Variants in SSH2 observed in about 807,000 individuals in gnomAD.
The protein encoded by SSH2 is slingshot protein phosphatase 2, also known as protein phosphatase Slingshot homolog 2.
Under a neutral mutation model 135.2 loss-of-function variants are expected in SSH2, and 37 were observed. That is an observed-to-expected ratio of 0.27 (90% confidence interval 0.21 to 0.36). The LOEUF (loss-of-function observed/expected upper bound fraction) is 0.36. Among genes scored for constraint, SSH2 ranks in the 10% least tolerant of loss-of-function variants. The pLI, the probability that SSH2 is intolerant of heterozygous loss-of-function variation, is 1.00. For missense variants in SSH2, 1,408 were observed against 1,765.3 expected, an observed-to-expected ratio of 0.80 and a Z score of 3.63; for synonymous variants, 628 against 646.2, an observed-to-expected ratio of 0.97 and a Z score of 0.43.
intron 12 of SSH2, among the ~76,000 whole-genome samples, chr17:29,652,345 GT>G (rs2036611468): frequency 6.6e-6 from 1 of 152,136 alleles, no homozygotes. Context: ...CTCTTTGTTA[GT>G]TGATGAACAT....
intron 6 of SSH2, among the ~76,000 whole-genome samples, chr17:29,681,983 CT>C (rs1374062834): frequency 6.6e-6 from 1 of 152,154 alleles, no homozygotes; most frequent in Non-Finnish European, 1.5e-5. Context: ...TAGTTTCTAG[CT>C]TTTCATGTTT....
At chr17:29,877,783 T>C (rs1348253621) in intron 1 of SSH2, among the ~76,000 whole-genome samples, 2 of 140,572 alleles carry the variant, frequency 1.4e-5, no homozygotes, top group African/African-American at 2.6e-5. Context: ...AAAAAAAAAA[T>C]AGAATGAATA....
intron 11 of SSH2, among the ~76,000 whole-genome samples, chr17:29,664,939 T>C (rs2037211007): frequency 6.6e-6 from 1 of 152,212 alleles, no homozygotes; most frequent in African/African-American, 2.4e-5. Context: ...AGTCAGAATC[T>C]GACTGTATTT....
chr17:29,684,422 A>G, intron 6 of SSH2, 141 bp downstream of exon 6: 1 of 709,930 alleles, frequency 1.4e-6, no homozygotes, highest in Non-Finnish European at 2.2e-6. Context: ...GGTTGCAGTG[A>G]GCCGAGATTG....
At chr17:29,907,696 A>G (rs1216260031) in intron 1 of SSH2, among the ~76,000 whole-genome samples, 1 of 152,240 alleles carries the variant, frequency 6.6e-6, no homozygotes, top group Non-Finnish European at 1.5e-5. Flanking sequence ...CCAGAGCCAA[A>G]CTGGCTATTC....
intron 1 of SSH2, among the ~76,000 whole-genome samples, chr17:29,864,554 C>G (rs965939745): frequency 6.6e-6 from 1 of 150,646 alleles, no homozygotes; most frequent in Non-Finnish European, 1.5e-5. Context: ...TTTGAATGTT[C>G]ACTTGATCAC....
intron 2 of SSH2, among the ~76,000 whole-genome samples, chr17:29,839,498 A>G (rs1348963133): frequency 6.6e-6 from 1 of 152,230 alleles, no homozygotes; most frequent in Admixed American, 6.5e-5. Flanking sequence ...ATAACAGTGT[A>G]TCTTTACAAT....
intron 2 of SSH2, among the ~76,000 whole-genome samples, chr17:29,794,522 A>G (rs73987161): frequency 0.074 from 11,236 of 152,212 alleles, 1,356 homozygotes; most frequent in African/African-American, 0.25. Flanking sequence ...AATTTATTCA[A>G]ATACACACAG....
chr17:29,733,197 A>T (rs1309589980), intron 3 of SSH2, among the ~76,000 whole-genome samples: 1 of 152,224 alleles, frequency 6.6e-6, no homozygotes, highest in Non-Finnish European at 1.5e-5. Context: ...AAAAACAAGC[A>T]AACAAATAAA....
At chr17:29,738,646 C>T (rs889359593) in intron 3 of SSH2, among the ~76,000 whole-genome samples, 11 of 151,680 alleles carry the variant, frequency 7.3e-5, no homozygotes, top group South Asian at 2.1e-4. Context: ...CTGCGGCTTC[C>T]GGGTTCACAC....
At chr17:29,849,404 G>A (rs921480357) in intron 1 of SSH2, among the ~76,000 whole-genome samples, 1 of 150,138 alleles carries the variant, frequency 6.7e-6, no homozygotes, top group South Asian at 2.1e-4. Context: ...GCGTGAACCC[G>A]GAAGGCTGAG....
chr17:29,643,873 T>C (rs1247078950), intron 14 of SSH2, among the ~76,000 whole-genome samples: 1 of 152,170 alleles, frequency 6.6e-6, no homozygotes, highest in Non-Finnish European at 1.5e-5. Flanking sequence ...TGGGGAGCTT[T>C]TGGGGAAGGT....
chr17:29,894,561 T>C (rs2066407753), intron 1 of SSH2, among the ~76,000 whole-genome samples: 1 of 152,116 alleles, frequency 6.6e-6, no homozygotes, highest in Non-Finnish European at 1.5e-5. Flanking sequence ...TTTTTTAATT[T>C]GTATTATTTT....
chr17:29,696,396 T>G (rs2038747077), intron 4 of SSH2, among the ~76,000 whole-genome samples: 1 of 147,814 alleles, frequency 6.8e-6, no homozygotes, highest in Non-Finnish European at 1.5e-5. Flanking sequence ...TTTATATTTA[T>G]ACATATCCAT....
chr17:29,876,504 T>C (rs1246149389), intron 1 of SSH2, among the ~76,000 whole-genome samples: 1 of 152,120 alleles, frequency 6.6e-6, no homozygotes, highest in Non-Finnish European at 1.5e-5. Context: ...GGGTTGTCTC[T>C]TCACTTTGTT....
chr17:29,775,108 C>T (rs1165671576), intron 3 of SSH2, among the ~76,000 whole-genome samples: 1 of 152,150 alleles, frequency 6.6e-6, no homozygotes, highest in Non-Finnish European at 1.5e-5. Context: ...ATACAAACTT[C>T]CCTAGTTTCA....
chr17:29,765,765 A>G (rs1422325769), intron 3 of SSH2, among the ~76,000 whole-genome samples: 1 of 152,140 alleles, frequency 6.6e-6, no homozygotes, highest in Non-Finnish European at 1.5e-5. Flanking sequence ...TATGCCTGTA[A>G]TGTCAGCATT....
chr17:29,692,073 G>A (rs8077464), intron 5 of SSH2, among the ~76,000 whole-genome samples: 60,195 of 150,860 alleles, frequency 0.4, 14,485 homozygotes, highest in East Asian at 0.69. Flanking sequence ...TCGGGAGGCA[G>A]AGGTTGCAAT....
At chr17:29,898,085 A>G (rs1215063086) in intron 1 of SSH2, among the ~76,000 whole-genome samples, 2 of 152,206 alleles carry the variant, frequency 1.3e-5, no homozygotes, top group East Asian at 3.8e-4. Flanking sequence ...ACCAACGAGA[A>G]CAAAGACACA....
Sources: allele counts gnomAD v4.1 joint callset (sites outside exome capture counted in the v4.1 genomes callset), GRCh38; gene constraint gnomAD v4.1.1; transcripts MANE v1.5; gene names NCBI Gene and HGNC (gene_info 2026-07-23, HGNC 2026-07-21).